ST8SIA5: variants seen among roughly 807,000 people sequenced by gnomAD.
ST8SIA5 encodes the protein alpha-2,8-sialyltransferase 8E.
Under a neutral mutation model 40.2 loss-of-function variants are expected in ST8SIA5, and 24 were observed. That is an observed-to-expected ratio of 0.60 (90% CI 0.43 to 0.84). ST8SIA5 has a LOEUF of 0.84. Ranked by LOEUF, ST8SIA5 falls within the 40% of genes least tolerant of loss-of-function variation. The probability of loss-of-function intolerance (pLI) is 0.00; values close to 1 mark genes in which losing one functional copy is unlikely to be tolerated. For synonymous variants in ST8SIA5, 198 were observed against 201.8 expected (o/e 0.98, Z 0.16); for missense variants, 465 against 498.5 (o/e 0.93, Z 0.64).
intron 1 of ST8SIA5, among the ~76,000 whole-genome samples, chr18:46,743,910 C>T (rs765534026): frequency 1.8e-4 from 27 of 152,198 alleles, no homozygotes; most frequent in Non-Finnish European, 3.2e-4. Context: ...GGCCAATATT[C>T]AACATTCTTA....
intron 5 of ST8SIA5, among the ~76,000 whole-genome samples, chr18:46,683,555 G>T (rs980547698): frequency 6.6e-6 from 1 of 151,970 alleles, no homozygotes; most frequent in African/African-American, 2.4e-5. Context: ...AGACTATAAG[G>T]GACGGTGGGC....
chr18:46,751,224 A>T (rs994152894), intron 1 of ST8SIA5, among the ~76,000 whole-genome samples: 3 of 152,136 alleles, frequency 2.0e-5, no homozygotes, highest in East Asian at 3.9e-4. Flanking sequence ...TTGGAATCAT[A>T]GAGTATTTGT....
intron 1 of ST8SIA5, among the ~76,000 whole-genome samples, chr18:46,726,206 T>A (rs1214670328): frequency 4.7e-5 from 7 of 150,024 alleles, no homozygotes; most frequent in Admixed American, 1.3e-4. Flanking sequence ...AAATAATAAT[T>A]AAATAAAATA....
Position 46,680,042 on chromosome 18 carries a change from T to A in ST8SIA5, c.1131A>T (p.Ter377CysextTer65), listed in dbSNP as rs775695315. The part of the protein sequence containing the change: ...RVHTGTCSCC[*>C] Reference sequence around the variant, plus strand: ...TGCCGGGCAGCCTGGCTGGCAGCCATCAGCAGCAGCTGCAGGTGCCCGTGT... The same window carrying A: ...TGCCGGGCAGCCTGGCTGGCAGCCAACAGCAGCAGCTGCAGGTGCCCGTGT... The change falls in exon 7 of 7, where the codon TGA (stop) becomes TGT (cysteine). Residue 377 changes from the stop codon to cysteine (C), a stop_lost. Transcript: ENST00000315087. 19 of 1,598,618 alleles carry A rather than the reference T, an allele frequency of 1.2e-5. No homozygotes were observed. Among genetic ancestry groups the A allele is most frequent in the Non-Finnish European group, 1.5e-5 (18 of 1,170,652 alleles).
At chr18:46,692,786 G>A (rs1293970438) in intron 2 of ST8SIA5, among the ~76,000 whole-genome samples, 1 of 151,998 alleles carries the variant, frequency 6.6e-6, no homozygotes. Flanking sequence ...TGTCCTGCAA[G>A]TGTGCCTTTC....
rs1302276670 is a variant in ST8SIA5 at position 46,756,732 on chromosome 18, G to T, written c.-224C>A. 10 of 496,344 alleles carry T rather than the reference G, an allele frequency of 2.0e-5. No individual in the cohort carries two copies. The highest frequency in any genetic ancestry group is 8.2e-5 in the African/African-American group (4 of 48,506). The allele number at this position is 496,344 out of a possible 1,614,324, so 30.7% of individuals were successfully genotyped here. On this transcript the variant is annotated 5_prime_UTR_variant, in exon 1 of 7. Coordinates refer to ENST00000315087, the MANE Select transcript of ST8SIA5 (RefSeq NM_013305.6). The stretch of plus-strand genomic sequence containing the variant: ...AGCAGGACAGGGCCGGTGGCAGGGA[G>T]CTCTGCCGCGGCCAGGGGCCTTCCC...
At chr18:46,751,540 G>A (rs1451478459) in intron 1 of ST8SIA5, among the ~76,000 whole-genome samples, 2 of 151,932 alleles carry the variant, frequency 1.3e-5, no homozygotes, top group Admixed American at 6.6e-5. Context: ...GGGATTACAG[G>A]TGTGTGCCAC....
chr18:46,735,880 T>C (rs1346501720), intron 1 of ST8SIA5, among the ~76,000 whole-genome samples: 1 of 152,100 alleles, frequency 6.6e-6, no homozygotes, highest in Non-Finnish European at 1.5e-5. Flanking sequence ...CCCAAAGTGC[T>C]AGGATTACAG....
chr18:46,690,876 A>G (rs1020438152), intron 3 of ST8SIA5, among the ~76,000 whole-genome samples: 1 of 152,178 alleles, frequency 6.6e-6, no homozygotes, highest in Non-Finnish European at 1.5e-5. Flanking sequence ...TTGGCCTCCC[A>G]AAGTGCTGGG....
intron 1 of ST8SIA5, among the ~76,000 whole-genome samples, chr18:46,724,113 G>A (rs2039890852): frequency 6.6e-6 from 1 of 152,210 alleles, no homozygotes. Flanking sequence ...TCTTTCAAGA[G>A]GACTGTCTCA....
chr18:46,740,642 C>A (rs1457892848), intron 1 of ST8SIA5, among the ~76,000 whole-genome samples: 2 of 152,124 alleles, frequency 1.3e-5, no homozygotes, highest in African/African-American at 4.8e-5. Context: ...TAAAGCACTT[C>A]TAACTTCATG....
chr18:46,684,706 A>T (rs1309523000), intron 5 of ST8SIA5, among the ~76,000 whole-genome samples: 1 of 152,180 alleles, frequency 6.6e-6, no homozygotes, highest in Non-Finnish European at 1.5e-5. Context: ...CTGAGTAGTT[A>T]TGTTGTGCCA....
At chr18:46,751,173 T>C (rs2040191867) in intron 1 of ST8SIA5, among the ~76,000 whole-genome samples, 1 of 152,100 alleles carries the variant, frequency 6.6e-6, no homozygotes, top group Non-Finnish European at 1.5e-5. Flanking sequence ...CATTCTACTT[T>C]CTGTCTTTAT....
chr18:46,756,677 C>T lies in ST8SIA5; in HGVS notation c.-169G>A, dbSNP rs571298569. The T allele has an allele frequency of 1.8e-4, 138 of 749,136 alleles. 1 individual carries two copies. The South Asian group carries it at 2.7e-3, about 15-fold the overall frequency. The allele number at this position is 749,136 out of a possible 1,614,324, so 46.4% of individuals were successfully genotyped here. On this transcript the variant is annotated 5_prime_UTR_variant, in exon 1 of 7. An upstream start codon of the reference 5' UTR is lost. Coordinates refer to ENST00000315087, the MANE Select transcript of ST8SIA5 (RefSeq NM_013305.6). The stretch of plus-strand genomic sequence containing the variant: ...TGGTTGGCGCGGCCGGAGCTGGGGG[C>T]ATCCAAGCGTCGCAGGCGCTGGGGC...
intron 1 of ST8SIA5, among the ~76,000 whole-genome samples, chr18:46,719,941 C>T (rs2039844492): frequency 6.6e-6 from 1 of 151,746 alleles, no homozygotes; most frequent in African/African-American, 2.4e-5. Context: ...CAGGTTCAAG[C>T]TATTCTCCCG....
chr18:46,712,784 A>C (rs1178984692), intron 1 of ST8SIA5, among the ~76,000 whole-genome samples: 2 of 152,200 alleles, frequency 1.3e-5, no homozygotes, highest in Non-Finnish European at 2.9e-5. Flanking sequence ...AGGGGCGACA[A>C]TAAATGATTC....
intron 1 of ST8SIA5, among the ~76,000 whole-genome samples, chr18:46,733,712 G>C (rs1372444359): frequency 6.6e-6 from 1 of 152,168 alleles, no homozygotes; most frequent in African/African-American, 2.4e-5. Context: ...ACAGGAAGTG[G>C]GTGATGAGGG....
intron 3 of ST8SIA5, 64 bp downstream of exon 3, chr18:46,692,105 C>A: frequency 6.5e-7 from 1 of 1,544,614 alleles, no homozygotes; most frequent in Non-Finnish European, 9.0e-7. Context: ...ACAATGGAGA[C>A]CAGAAGAGGT....
rs1367974290 is a variant in ST8SIA5 at position 46,670,062 on chromosome 18, C to T, written c.*9980G>A. 1 of 150,156 alleles carries T rather than the reference C, an allele frequency of 6.7e-6. No homozygotes were observed. Among genetic ancestry groups the T allele is most frequent in the Non-Finnish European group, 1.5e-5 (1 of 67,714 alleles). 9.3% of individuals were successfully genotyped at this position (150,156 alleles called of 1,614,324 possible). On this transcript the variant is annotated 3_prime_UTR_variant, in exon 7 of 7. Transcript: ENST00000315087. ...CCAGCCTGGGTGACAGAGTGAGACT[C>T]CATCTCAAAAAAAAAAAAAGAGTGA...
Sources: allele counts gnomAD v4.1 joint callset (sites outside exome capture counted in the v4.1 genomes callset), GRCh38; gene constraint gnomAD v4.1.1; transcripts MANE v1.5; gene names NCBI Gene and HGNC (gene_info 2026-07-23, HGNC 2026-07-21).